GTF2F2: variants seen among roughly 807,000 people sequenced by gnomAD.
GTF2F2 encodes general transcription factor IIF subunit 2.
In GTF2F2, 23 loss-of-function variants were observed where a neutral mutation model predicts 42.2. That is an observed-to-expected ratio of 0.55 (90% CI 0.39 to 0.77). GTF2F2 has a LOEUF of 0.77. GTF2F2 is among the 30% of genes least tolerant of loss of function. The pLI is 0.00. For synonymous variants in GTF2F2, 105 were observed against 100.8 expected, an observed-to-expected ratio of 1.04 and a Z score of -0.25; for missense variants, 261 against 287.2, an observed-to-expected ratio of 0.91 and a Z score of 0.66.
chr13:45,146,548 A>G (rs1404094220), intron 2 of GTF2F2, among the ~76,000 whole-genome samples: 5 of 152,158 alleles, frequency 3.3e-5, no homozygotes, highest in Non-Finnish European at 5.9e-5. Flanking sequence ...GAATAATGAT[A>G]TTGTTTTATT....
At chr13:45,250,071 T>G (rs868408257) in intron 5 of GTF2F2, among the ~76,000 whole-genome samples, 182 of 148,510 alleles carry the variant, frequency 1.2e-3, no homozygotes, top group Middle Eastern at 3.4e-3. Context: ...TTTTTTTTTT[T>G]TTTGAGACAG....
chr13:45,281,151 T>G (rs1382999347), intron 7 of GTF2F2, among the ~76,000 whole-genome samples: 1 of 152,194 alleles, frequency 6.6e-6, no homozygotes, highest in East Asian at 1.9e-4. Flanking sequence ...GCTTACTCAT[T>G]CACACGGGTC....
At chr13:45,236,002 A>AAGG (rs1350621389) in intron 5 of GTF2F2, among the ~76,000 whole-genome samples, 2 of 152,232 alleles carry the variant, frequency 1.3e-5, no homozygotes, top group Non-Finnish European at 2.9e-5. Flanking sequence ...GAGGGACTGA[A>AAGG]AGGAGGTCTT....
intron 6 of GTF2F2, among the ~76,000 whole-genome samples, chr13:45,262,241 T>A (rs1216341408): frequency 5.3e-5 from 8 of 151,998 alleles, no homozygotes; most frequent in African/African-American, 1.9e-4. Context: ...GGGTATGGTG[T>A]CATGCCCCTG....
intron 4 of GTF2F2, among the ~76,000 whole-genome samples, chr13:45,190,647 C>T (rs1263283451): frequency 6.6e-6 from 1 of 152,160 alleles, no homozygotes; most frequent in Admixed American, 6.5e-5. Flanking sequence ...ATGTTCCTAG[C>T]ATGGTATCCG....
chr13:45,246,019 A>T (rs574912296), intron 5 of GTF2F2, among the ~76,000 whole-genome samples: 112 of 10,652 alleles, frequency 0.011, 1 homozygote, highest in African/African-American at 0.039. Context: ...TATTTATTTT[A>T]TTTATTTTGA....
chr13:45,270,123 C>T (rs1876728413), intron 7 of GTF2F2, among the ~76,000 whole-genome samples: 1 of 152,158 alleles, frequency 6.6e-6, no homozygotes, highest in Admixed American at 6.6e-5. Flanking sequence ...AGCTACCGTT[C>T]CTGGCCAAAA....
At chr13:45,216,609 CT>C (rs1423268889) in intron 5 of GTF2F2, among the ~76,000 whole-genome samples, 1 of 152,090 alleles carries the variant, frequency 6.6e-6, no homozygotes, top group African/African-American at 2.4e-5. Context: ...CTCTGTGCCC[CT>C]GGGTTCAAGC....
chr13:45,181,204 C>CAAAT (rs1872153166), intron 4 of GTF2F2, among the ~76,000 whole-genome samples: 1 of 138,074 alleles, frequency 7.2e-6, no homozygotes, highest in Non-Finnish European at 1.6e-5. Context: ...AAAAAAAAAA[C>CAAAT]CAGAAAAACC....
At chr13:45,160,445 C>T (rs1021822145) in intron 4 of GTF2F2, among the ~76,000 whole-genome samples, 6 of 152,162 alleles carry the variant, frequency 3.9e-5, no homozygotes, top group African/African-American at 1.4e-4. Flanking sequence ...TATTAGCAAA[C>T]CTTTTCTACT....
chr13:45,124,020 TA>T, intron 1 of GTF2F2: 1 of 1,125,846 alleles, frequency 8.9e-7, no homozygotes, highest in Non-Finnish European at 1.3e-6. Context: ...TCTTACTCCT[TA>T]GAGGCCATGT....
chr13:45,166,409 A>G (rs1379109224), intron 4 of GTF2F2, among the ~76,000 whole-genome samples: 1 of 152,224 alleles, frequency 6.6e-6, no homozygotes, highest in Non-Finnish European at 1.5e-5. Context: ...TGAAGACATG[A>G]TGCAGTCTTT....
At chr13:45,144,385 A>G (rs1276810953) in intron 2 of GTF2F2, among the ~76,000 whole-genome samples, 2 of 151,562 alleles carry the variant, frequency 1.3e-5, no homozygotes, top group African/African-American at 4.9e-5. Context: ...CTTATTGATA[A>G]TCATGTAGCC....
chr13:45,138,080 CT>C (rs1313786903), intron 2 of GTF2F2, among the ~76,000 whole-genome samples: 3 of 152,150 alleles, frequency 2.0e-5, no homozygotes, highest in Non-Finnish European at 2.9e-5. Flanking sequence ...TTTCCTGAGA[CT>C]TTTTTTTCCC....
At chr13:45,229,864 T>TA (rs967826858) in intron 5 of GTF2F2, among the ~76,000 whole-genome samples, 15 of 151,912 alleles carry the variant, frequency 9.9e-5, no homozygotes, top group African/African-American at 3.6e-4. Flanking sequence ...GTAGAATACA[T>TA]AAAAAAATAG....
intron 1 of GTF2F2, among the ~76,000 whole-genome samples, chr13:45,132,896 A>T (rs1181990227): frequency 6.6e-6 from 1 of 152,104 alleles, no homozygotes; most frequent in East Asian, 1.9e-4. Flanking sequence ...GACTGAATTG[A>T]CTAGGGAGAT....
chr13:45,173,829 G>C (rs7320229), intron 4 of GTF2F2, among the ~76,000 whole-genome samples: 15,820 of 151,818 alleles, frequency 0.1, 2,206 homozygotes, highest in African/African-American at 0.32. Flanking sequence ...GTGTTAGCCA[G>C]GATGGTCTCG....
chr13:45,212,843 G>A (rs1484586242), intron 5 of GTF2F2, among the ~76,000 whole-genome samples: 1 of 151,020 alleles, frequency 6.6e-6, no homozygotes, highest in Admixed American at 6.6e-5. Flanking sequence ...CCACCTCCAA[G>A]CGATTCTCCC....
chr13:45,149,271 C>CAA (rs753889892), intron 2 of GTF2F2, among the ~76,000 whole-genome samples: 45 of 98,422 alleles, frequency 4.6e-4, no homozygotes, highest in African/African-American at 1.5e-3. Flanking sequence ...CTTGTCTCTA[C>CAA]AAAAAAAAAA....
Sources: allele counts gnomAD v4.1 joint callset (sites outside exome capture counted in the v4.1 genomes callset), GRCh38; gene constraint gnomAD v4.1.1; transcripts MANE v1.5; gene names NCBI Gene and HGNC (gene_info 2026-07-23, HGNC 2026-07-21).